The following ADAM22 variants were observed in gnomAD, a reference collection of about 807,000 sequenced individuals.
ADAM22 encodes disintegrin and metalloproteinase domain-containing protein 22.
A neutral mutation model predicts 144.6 loss-of-function variants in ADAM22; 65 were observed. The observed-to-expected ratio is 0.45, with a 90% CI of 0.37 to 0.55. ADAM22 has a LOEUF of 0.55. Among genes scored for constraint, ADAM22 ranks in the 20% least tolerant of loss-of-function variants. ADAM22 has a pLI of 0.00. For synonymous variants in ADAM22, 391 were observed against 412.6 expected (o/e 0.95, Z 0.63); for missense variants, 974 against 1,184.9 (o/e 0.82, Z 2.61).
chr7:88,038,906 G>T (rs1018160467), intron 3 of ADAM22, among the ~76,000 whole-genome samples: 1 of 151,422 alleles, frequency 6.6e-6, no homozygotes, highest in Non-Finnish European at 1.5e-5. Flanking sequence ...TCAGCCTCTC[G>T]AGTAGCTGGG....
intron 27 of ADAM22, 41 bp from the exon 28 acceptor site, chr7:88,181,464 G>C: frequency 6.5e-7 from 1 of 1,541,630 alleles, no homozygotes; most frequent in South Asian, 1.1e-5. Context: ...ACATTCATTT[G>C]GTTACATTTT....
rs772987273 is a variant in ADAM22 at position 87,978,386 on chromosome 7, A to G, written c.297A>G (p.Ser99=). The G allele has an allele frequency of 3.7e-6, 6 of 1,613,564 alleles. No individual in the cohort carries two copies. In the Admixed American group the frequency reaches 6.7e-5, roughly 18 times the overall value. Residue 99 remains serine, a synonymous_variant, in exon 3 of 32, where the codon TCA becomes TCG. Coordinates refer to ENST00000413139, the MANE Select transcript of ADAM22 (RefSeq NM_001324418.2). ...ASFQVDAFGT[S]FILDVVLNHD... is the part of the protein sequence containing the mutation. ...TCCAGGTTGATGCCTTTGGAACGTC[A>G]TTCATTCTCGATGTCGTGCTAAATC...
intron 3 of ADAM22, among the ~76,000 whole-genome samples, chr7:88,030,003 A>C (rs1291337999): frequency 6.6e-6 from 1 of 151,982 alleles, no homozygotes; most frequent in East Asian, 1.9e-4. Context: ...TTAAGTATTG[A>C]TATCTTTCTC....
rs1352217883 is a variant in ADAM22, at chr7:88,114,582, A to G, written c.474-2A>G. 6.2e-7 allele frequency: 1 copy of G among 1,613,820 alleles called. No homozygotes were observed. The highest frequency in any genetic ancestry group is 1.1e-5 in the South Asian group (1 of 91,066). ...GCCTAATTATTTTTTTGTCGTTGGC[A>G]GTGGGATGTTCTATGACGGGAACCA... On this transcript the variant is annotated splice_acceptor_variant, in intron 5 of 31. Coordinates refer to ENST00000413139, the MANE Select transcript of ADAM22 (RefSeq NM_001324418.2). LOFTEE classifies it high-confidence loss of function.
chr7:88,050,110 G>A (rs906498264), intron 3 of ADAM22, among the ~76,000 whole-genome samples: 2 of 151,284 alleles, frequency 1.3e-5, no homozygotes, highest in Admixed American at 6.6e-5. Flanking sequence ...AAGGCCAGGT[G>A]TAGTGGCTCA....
intron 3 of ADAM22, among the ~76,000 whole-genome samples, chr7:88,069,287 G>C (rs1812117659): frequency 6.6e-6 from 1 of 151,602 alleles, no homozygotes; most frequent in Non-Finnish European, 1.5e-5. Context: ...TCTACCATAT[G>C]ATGACACAGC....
intron 4 of ADAM22, among the ~76,000 whole-genome samples, chr7:88,078,199 C>T (rs2129482256): frequency 6.6e-6 from 1 of 152,306 alleles, no homozygotes; most frequent in South Asian, 2.1e-4. Context: ...TCCCCAATAT[C>T]CACTTTTCTG....
intron 25 of ADAM22, among the ~76,000 whole-genome samples, chr7:88,171,289 T>A (rs1160702849): frequency 6.6e-6 from 1 of 151,978 alleles, no homozygotes; most frequent in East Asian, 1.9e-4. Flanking sequence ...TACTCTTTAA[T>A]GACTGCAGCA....
At chr7:88,126,922 C>T (rs1205467726) in intron 8 of ADAM22, among the ~76,000 whole-genome samples, 1 of 151,876 alleles carries the variant, frequency 6.6e-6, no homozygotes, top group Non-Finnish European at 1.5e-5. Context: ...TAGGGTGACT[C>T]TGTGGTAGAG....
At chr7:88,022,104 C>T (rs939882189) in intron 3 of ADAM22, among the ~76,000 whole-genome samples, 3 of 151,362 alleles carry the variant, frequency 2.0e-5, no homozygotes, top group African/African-American at 7.3e-5. Context: ...CTCTGTTGCT[C>T]AGACTGGTCT....
At chr7:88,153,422 A>G (rs1410679468) in intron 21 of ADAM22, 96 bp downstream of exon 21, 2 of 972,406 alleles carry the variant, frequency 2.1e-6, no homozygotes, top group Admixed American at 2.3e-5. Flanking sequence ...GCATCACACA[A>G]AGTGTGCTCT....
At chr7:88,119,953 A>G (rs1218582033) in intron 7 of ADAM22, among the ~76,000 whole-genome samples, 2 of 152,200 alleles carry the variant, frequency 1.3e-5, no homozygotes, top group Non-Finnish European at 2.9e-5. Flanking sequence ...GCTGGGCCAT[A>G]GGGTAGGTAC....
chr7:87,939,456 T>C (rs2131225186), intron 2 of ADAM22, among the ~76,000 whole-genome samples: 1 of 152,370 alleles, frequency 6.6e-6, no homozygotes, highest in South Asian at 2.1e-4. Context: ...ACCAGATTCA[T>C]GTTATTGTCA....
intron 1 of ADAM22, 140 bp from the exon 2 acceptor site, chr7:87,934,886 C>A (rs750517248): frequency 8.2e-7 from 1 of 1,213,728 alleles, no homozygotes; most frequent in Non-Finnish European, 1.2e-6. Flanking sequence ...CTGCGTCCTT[C>A]CCAGTTGGGT....
intron 3 of ADAM22, among the ~76,000 whole-genome samples, chr7:88,040,177 G>A (rs1802755395): frequency 6.6e-6 from 1 of 151,676 alleles, no homozygotes; most frequent in Non-Finnish European, 1.5e-5. Context: ...TGTCACCCAG[G>A]CTGAAGTACA....
intron 7 of ADAM22, among the ~76,000 whole-genome samples, chr7:88,117,892 G>A (rs1282474851): frequency 1.3e-5 from 2 of 151,810 alleles, no homozygotes; most frequent in African/African-American, 4.8e-5. Context: ...CAGGGGTTTC[G>A]CCATATTGGG....
rs768215928 is a variant in ADAM22, at chr7:88,108,274, G to T, written c.473+16G>T. 2 of 1,605,930 alleles carry T rather than the reference G, an allele frequency of 1.2e-6. No individual in the cohort carries two copies. Among genetic ancestry groups the T allele is most frequent in the South Asian group, 2.2e-5 (2 of 89,898 alleles). ...ACGGACTTCAGTAAGTGTTCAAAAAGTTATTTTTACTGTTTGTTTTTTCAA... is the reference window on the plus strand; with the variant it reads ...ACGGACTTCAGTAAGTGTTCAAAAATTTATTTTTACTGTTTGTTTTTTCAA... On this transcript the variant is annotated intron_variant, in intron 5 of 31. Transcript: ENST00000413139.
rs556903395 is a variant in ADAM22 at position 87,992,823 on chromosome 7, G to C, written c.323+14411G>C. ...AGCCATGCTGCTTTGTCATTCTTGG[G>C]TCCAGAAAAGACAAAAAGACCACCT... On this transcript the variant is annotated intron_variant, in intron 3 of 31. Coordinates refer to ENST00000413139, the MANE Select transcript of ADAM22 (RefSeq NM_001324418.2). 9.9e-5 allele frequency among the ~76,000 whole-genome samples: 15 copies of C among 152,154 alleles called. No individual in the cohort carries two copies. In the East Asian group the frequency reaches 2.7e-3, roughly 27 times the overall value.
At chr7:87,953,105 A>G (rs974123755) in intron 2 of ADAM22, among the ~76,000 whole-genome samples, 2 of 149,906 alleles carry the variant, frequency 1.3e-5, no homozygotes, top group Non-Finnish European at 3.0e-5. Flanking sequence ...GGCTTCATTA[A>G]TTTTTTTGAA....
Sources: allele counts gnomAD v4.1 joint callset (sites outside exome capture counted in the v4.1 genomes callset), GRCh38; gene constraint gnomAD v4.1.1; transcripts MANE v1.5; gene names NCBI Gene and HGNC (gene_info 2026-07-23, HGNC 2026-07-21).